The following CNTNAP4 variants were observed in gnomAD, a reference collection of about 807,000 sequenced individuals.
CNTNAP4 encodes the protein contactin-associated protein-like 4.
CNTNAP4 carries 98 observed loss-of-function variants against 148.4 expected under a neutral mutation model. The ratio of observed to expected loss-of-function variants is 0.66; its 90% CI spans 0.56 to 0.78. CNTNAP4 has a LOEUF of 0.78. Ranked by LOEUF, CNTNAP4 falls within the 30% of genes least tolerant of loss-of-function variation. The pLI, the probability that CNTNAP4 is intolerant of heterozygous loss-of-function variation, is 0.00. For synonymous variants in CNTNAP4, 730 were observed against 565.1 expected (o/e 1.29, Z -4.14); for missense variants, 1,935 against 1,565.6 (o/e 1.24, Z -3.98).
chr16:76,340,871 C>G (rs1286439330), intron 2 of CNTNAP4, among the ~76,000 whole-genome samples: 1 of 152,194 alleles, frequency 6.6e-6, no homozygotes, highest in Admixed American at 6.5e-5. Flanking sequence ...CAGCAATGTA[C>G]TCCTTAGAAT....
chr16:76,461,463 G>A (rs903070904), intron 8 of CNTNAP4, among the ~76,000 whole-genome samples: 2 of 152,064 alleles, frequency 1.3e-5, no homozygotes, highest in Non-Finnish European at 2.9e-5. Context: ...GCTTTTCACG[G>A]TGCTTTATAT....
intron 1 of CNTNAP4, among the ~76,000 whole-genome samples, chr16:76,301,362 A>G (rs1400468881): frequency 6.6e-6 from 1 of 152,134 alleles, no homozygotes; most frequent in East Asian, 1.9e-4. Flanking sequence ...TTTTTTAAAA[A>G]CTGTGTTTGA....
chr16:76,368,149 A>G (rs901059765), intron 3 of CNTNAP4, among the ~76,000 whole-genome samples: 15 of 152,210 alleles, frequency 9.9e-5, no homozygotes, highest in Non-Finnish European at 1.5e-4. Context: ...ATATCCATTC[A>G]TCTTAGATTC....
chr16:76,559,092 C>T lies in CNTNAP4; in HGVS notation c.*409C>T, dbSNP rs2085317525. ...ACATTTGCTGTGTTTGCTTTTGTCT[C>T]CTCGTGGTGTTATTCATAGACCTGG... On this transcript the variant is annotated 3_prime_UTR_variant, in exon 24 of 24. Transcript: ENST00000611870. 6.5e-6 allele frequency: 1 copy of T among 152,894 alleles called. No homozygotes were observed. Among genetic ancestry groups the T allele is most frequent in the African/African-American group, 2.4e-5 (1 of 41,446 alleles). The allele number at this position is 152,894 out of a possible 1,614,324, so 9.5% of individuals were successfully genotyped here.
At position 76,558,736 on chromosome 16, in the gene CNTNAP4, G is replaced by C. The variant is rs12599021; in HGVS notation, c.*53G>C. 7 of 1,352,288 alleles carry C rather than the reference G, an allele frequency of 5.2e-6. No homozygotes were observed. Among genetic ancestry groups the C allele is most frequent in the Non-Finnish European group, 7.1e-6 (7 of 982,556 alleles). 83.8% of individuals were successfully genotyped at this position (1,352,288 alleles called of 1,614,324 possible). ...ATGATAGTTTGTTTTAATAGCCAGGGGTTCTCAATGGAAAAACGAATGCTC... is the reference window on the plus strand; with the variant it reads ...ATGATAGTTTGTTTTAATAGCCAGGCGTTCTCAATGGAAAAACGAATGCTC... On this transcript the variant is annotated 3_prime_UTR_variant, in exon 24 of 24. Transcript: ENST00000611870.
intron 3 of CNTNAP4, among the ~76,000 whole-genome samples, chr16:76,420,016 A>G (rs2079121833): frequency 6.6e-6 from 1 of 151,976 alleles, no homozygotes; most frequent in South Asian, 2.1e-4. Flanking sequence ...TAGAATTTTG[A>G]GAGGGTGCAA....
chr16:76,329,619 A>C lies in CNTNAP4; in HGVS notation c.196+13096A>C, dbSNP rs16944224. 7.7e-3 allele frequency among the ~76,000 whole-genome samples: 1,179 copies of C among 152,302 alleles called. 10 individuals carry two copies. Among genetic ancestry groups the C allele is most frequent in the African/African-American group, 0.027 (1,141 of 41,564 alleles). ...ATTTTCTTCCTCAGTGGGAATTATT[A>C]GCCTTATATATGTAATAATTTAAAT... On this transcript the variant is annotated intron_variant, in intron 2 of 23. Transcript: ENST00000611870.
intron 3 of CNTNAP4, among the ~76,000 whole-genome samples, chr16:76,393,575 A>T (rs1316310037): frequency 6.6e-6 from 1 of 151,964 alleles, no homozygotes; most frequent in Non-Finnish European, 1.5e-5. Flanking sequence ...ATGAATGGAG[A>T]TCCTTGTGAC....
intron 1 of CNTNAP4, among the ~76,000 whole-genome samples, chr16:76,280,700 C>T (rs914061602): frequency 2.0e-5 from 3 of 152,222 alleles, no homozygotes; most frequent in African/African-American, 4.8e-5. Flanking sequence ...AGTTTAGAGA[C>T]GGATCCTTGC....
chr16:76,303,201 G>T (rs1960159264), intron 1 of CNTNAP4, among the ~76,000 whole-genome samples: 1 of 152,030 alleles, frequency 6.6e-6, no homozygotes, highest in Non-Finnish European at 1.5e-5. Flanking sequence ...TAGTTGGCTT[G>T]ATTTTTTTTC....
chr16:76,449,655 A>G lies in CNTNAP4; in HGVS notation c.928-60A>G, dbSNP rs1015016465. 2.1e-6 allele frequency: 3 copies of G among 1,397,474 alleles called. No individual in the cohort carries two copies. In the African/African-American group the frequency reaches 4.4e-5, roughly 20 times the overall value. The allele number at this position is 1,397,474 out of a possible 1,614,324, so 86.6% of individuals were successfully genotyped here. A position where few individuals can be genotyped will look rare whatever the true frequency, so the allele number is the denominator to read the frequency against. ...ATTATAGCTATACTTGCTAATCATA[A>G]TTAAGCAGATTTTTAGAAAATCACT... On this transcript the variant is annotated intron_variant, in intron 6 of 23. Coordinates refer to ENST00000611870, the MANE Select transcript of CNTNAP4 (RefSeq NM_033401.5).
intron 3 of CNTNAP4, among the ~76,000 whole-genome samples, chr16:76,425,006 T>A (rs902428495): frequency 6.6e-6 from 1 of 152,132 alleles, no homozygotes; most frequent in African/African-American, 2.4e-5. Context: ...GAATAAGATT[T>A]GGTTAGTGCA....
intron 3 of CNTNAP4, among the ~76,000 whole-genome samples, chr16:76,378,773 A>G (rs2015683539): frequency 1.3e-5 from 2 of 152,156 alleles, no homozygotes; most frequent in African/African-American, 4.8e-5. Context: ...GCTCCTGCAA[A>G]GTCTGTCCTC....
chr16:76,291,849 A>G (rs566649155), intron 1 of CNTNAP4, among the ~76,000 whole-genome samples: 1 of 152,216 alleles, frequency 6.6e-6, no homozygotes, highest in Non-Finnish European at 1.5e-5. Context: ...TGCTTGCCAT[A>G]CATTATTTCA....
At chr16:76,388,940 A>G (rs1464512873) in intron 3 of CNTNAP4, among the ~76,000 whole-genome samples, 1 of 152,228 alleles carries the variant, frequency 6.6e-6, no homozygotes, top group African/African-American at 2.4e-5. Flanking sequence ...ATGTCCTTAT[A>G]GTAATTCTAG....
At chr16:76,386,890 A>C (rs946262737) in intron 3 of CNTNAP4, among the ~76,000 whole-genome samples, 1 of 152,194 alleles carries the variant, frequency 6.6e-6, no homozygotes, top group African/African-American at 2.4e-5. Flanking sequence ...ATTCAGAGGG[A>C]GAGGAGGCTG....
intron 21 of CNTNAP4, among the ~76,000 whole-genome samples, chr16:76,544,566 T>C (rs1259902478): frequency 6.6e-6 from 1 of 152,148 alleles, no homozygotes; most frequent in Non-Finnish European, 1.5e-5. Flanking sequence ...AGAGCTATAG[T>C]GGGAAGATAA....
intron 17 of CNTNAP4, among the ~76,000 whole-genome samples, chr16:76,524,493 G>GAAAGTTT (rs758769305): frequency 2.0e-5 from 3 of 152,174 alleles, no homozygotes; most frequent in Non-Finnish European, 4.4e-5. Flanking sequence ...GCCTGTGGAT[G>GAAAGTTT]ACCTTTCATT....
chr16:76,323,715 C>T (rs1962672957), intron 2 of CNTNAP4, among the ~76,000 whole-genome samples: 1 of 152,124 alleles, frequency 6.6e-6, no homozygotes, highest in South Asian at 2.1e-4. Context: ...TCTGATCTCC[C>T]TGCCAGCGTC....
Sources: gnomAD v4.1 joint callset for allele counts (sites outside exome capture counted in the v4.1 genomes callset) on GRCh38, gnomAD v4.1.1 for gene constraint, MANE v1.5 for transcripts, NCBI Gene and HGNC (gene_info 2026-07-23, HGNC 2026-07-21) for gene names.